CDK5RAP1: variants seen among roughly 807,000 people sequenced by gnomAD.
CDK5RAP1 encodes mitochondrial tRNA methylthiotransferase CDK5RAP1.
Under a neutral mutation model 64.5 loss-of-function variants are expected in CDK5RAP1, and 62 were observed. The ratio of observed to expected loss-of-function variants is 0.96; its 90% CI spans 0.78 to 1.19. The LOEUF is 1.19. Ranked by LOEUF, CDK5RAP1 falls within the 50% of genes most tolerant of loss-of-function variation. CDK5RAP1 has a pLI of 0.00. For missense variants in CDK5RAP1, 657 were observed against 735.0 expected (o/e 0.89, Z 1.23); for synonymous variants, 250 against 261.9 (o/e 0.95, Z 0.44).
rs1386715123 is a variant in CDK5RAP1 at position 33,398,564 on chromosome 20, T to G, written c.-20-1480A>C. ...AAAGGAAAGGGAAAGATCTAAATGT[T>G]ATCAATAAAGGACTAGTTAAGTAAG... On this transcript the variant is annotated intron_variant, in intron 1 of 13. Coordinates refer to ENST00000346416, the MANE Select transcript of CDK5RAP1 (RefSeq NM_016408.4). Among the ~76,000 whole-genome samples the G allele has an allele frequency of 2.0e-5, 3 of 152,084 alleles. No homozygotes were observed. The East Asian group carries it at 5.8e-4, about 29-fold the overall frequency.
intron 7 of CDK5RAP1, 131 bp from the exon 8 acceptor site, chr20:33,379,822 C>G (rs576750475): frequency 1.5e-6 from 1 of 659,090 alleles, no homozygotes; most frequent in African/African-American, 1.8e-5. Flanking sequence ...TACCAAGAGT[C>G]ACCTATAAGT....
chr20:33,384,170 A>G (rs1330583819), intron 7 of CDK5RAP1, among the ~76,000 whole-genome samples: 2 of 152,232 alleles, frequency 1.3e-5, no homozygotes, highest in Non-Finnish European at 2.9e-5. Flanking sequence ...TCTAAATGAA[A>G]GAAAAAAAAT....
At chr20:33,364,479 G>A (rs927678653) in intron 12 of CDK5RAP1, among the ~76,000 whole-genome samples, 2 of 152,024 alleles carry the variant, frequency 1.3e-5, no homozygotes, top group African/African-American at 2.4e-5. Context: ...GAGCCACCGC[G>A]CCTGGCCCGA....
In CDK5RAP1 at chr20:33,392,391, G is replaced by A. The variant is rs115082740; in HGVS notation, c.444-149C>T. On this transcript the variant is annotated intron_variant, in intron 4 of 13. Coordinates refer to ENST00000346416, the MANE Select transcript of CDK5RAP1 (RefSeq NM_016408.4). ...CAGCCCACGGGCCACATGCAGCCAG[G>A]ATGGCTTTGAATGCAGCCCAACACA... The A allele has an allele frequency of 3.3e-3, 1,429 of 431,858 alleles. 16 individuals are homozygous for A. The highest frequency in any genetic ancestry group is 0.026 in the African/African-American group (1,286 of 49,924). The allele number at this position is 431,858 out of a possible 1,614,324, so 26.8% of individuals were successfully genotyped here.
chr20:33,400,850 C>G (rs184788055), intron 1 of CDK5RAP1, among the ~76,000 whole-genome samples: 76 of 152,252 alleles, frequency 5.0e-4, no homozygotes, highest in Non-Finnish European at 1.0e-3. Flanking sequence ...GAGTCAGAAT[C>G]TGACCCCACT....
chr20:33,399,158 T>C (rs1989165910), intron 1 of CDK5RAP1, among the ~76,000 whole-genome samples: 1 of 151,928 alleles, frequency 6.6e-6, no homozygotes, highest in South Asian at 2.1e-4. Flanking sequence ...AGCCATACTA[T>C]TTACTTTTTT....
chr20:33,393,167 C>T lies in CDK5RAP1; in HGVS notation c.443+865G>A, dbSNP rs190383742. Among the ~76,000 whole-genome samples, 634 of 152,122 alleles carry T rather than the reference C, an allele frequency of 4.2e-3. 4 individuals are homozygous for T. The highest frequency in any genetic ancestry group is 5.5e-3 in the Non-Finnish European group (374 of 68,006). ...CGCTGGGATTACAGGTGTGAGCAACCGTGCCTGGCCAGCAATTTATCTTTT... is the reference window on the plus strand; with the variant it reads ...CGCTGGGATTACAGGTGTGAGCAACTGTGCCTGGCCAGCAATTTATCTTTT... On this transcript the variant is annotated intron_variant, in intron 4 of 13. Transcript: ENST00000346416.
intron 12 of CDK5RAP1, among the ~76,000 whole-genome samples, chr20:33,366,520 G>C (rs960171709): frequency 6.6e-6 from 1 of 152,108 alleles, no homozygotes; most frequent in African/African-American, 2.4e-5. Context: ...GCAGAGGCAA[G>C]AGAATCGCTT....
chr20:33,361,468 G>A (rs1982901171), intron 12 of CDK5RAP1, among the ~76,000 whole-genome samples: 1 of 152,168 alleles, frequency 6.6e-6, no homozygotes, highest in South Asian at 2.1e-4. Context: ...CCTGGGAACT[G>A]TCCACTGAAC....
At chr20:33,392,635 G>A (rs925342201) in intron 4 of CDK5RAP1, among the ~76,000 whole-genome samples, 2 of 151,958 alleles carry the variant, frequency 1.3e-5, no homozygotes, top group African/African-American at 4.8e-5. Context: ...AGGTAGGTAG[G>A]GGGCCACCTG....
At chr20:33,370,896 T>C (rs1984897280) in intron 10 of CDK5RAP1, among the ~76,000 whole-genome samples, 1 of 152,160 alleles carries the variant, frequency 6.6e-6, no homozygotes. Flanking sequence ...AGGGACACAG[T>C]AGGGAGTCCA....
chr20:33,397,217 CCT>C, intron 1 of CDK5RAP1, 133 bp from the exon 2 acceptor site: 1 of 605,596 alleles, frequency 1.7e-6, no homozygotes, highest in Non-Finnish European at 2.6e-6. Context: ...AATAATATGA[CCT>C]CTGTTTTACA....
chr20:33,368,998 G>T (rs1019950528), intron 11 of CDK5RAP1, among the ~76,000 whole-genome samples: 16 of 151,840 alleles, frequency 1.1e-4, no homozygotes, highest in Non-Finnish European at 1.5e-5. Flanking sequence ...AAATTAGCCA[G>T]GTGTGGTGGC....
chr20:33,382,636 G>A (rs770302062), intron 7 of CDK5RAP1, among the ~76,000 whole-genome samples: 12 of 152,094 alleles, frequency 7.9e-5, no homozygotes, highest in Admixed American at 4.6e-4. Context: ...AGCTGAGATC[G>A]TGCCATTGCA....
At chr20:33,366,821 C>A in intron 12 of CDK5RAP1, 38 bp downstream of exon 12, 1 of 1,561,018 alleles carries the variant, frequency 6.4e-7, no homozygotes, top group Non-Finnish European at 8.7e-7. Context: ...TGTTCTGAAA[C>A]ATAAAAAACA....
chr20:33,392,174 C>A lies in CDK5RAP1; in HGVS notation c.512G>T (p.Arg171Leu), dbSNP rs748087095. 2 of 1,613,202 alleles carry A rather than the reference C, an allele frequency of 1.2e-6. No individual in the cohort carries two copies. Among genetic ancestry groups the A allele is most frequent in the African/African-American group, 2.7e-5 (2 of 74,908 alleles). ...TCCAATCCTCAGAGGAACCCGGGAGCGGGGCCGCCTTGTCTTCAAGGCTTT... is the reference window on the plus strand; with the variant it reads ...TCCAATCCTCAGAGGAACCCGGGAGAGGGGCCGCCTTGTCTTCAAGGCTTT... ...QLKALKTRRP[R>L]SRVPLRIGIL... The change falls in exon 5 of 14, where the codon CGC becomes CTC. Residue 171 changes from arginine to leucine, a missense_variant. Transcript: ENST00000346416.
chr20:33,360,560 G>A (rs1982734957), intron 12 of CDK5RAP1, 69 bp from the exon 13 acceptor site: 1 of 1,416,104 alleles, frequency 7.1e-7, no homozygotes, highest in Admixed American at 2.1e-5. Flanking sequence ...TAGAAACTGT[G>A]CCTTCTCTGT....
rs145928528 is a variant in CDK5RAP1, at chr20:33,374,307, T to G, written c.1108-95A>C. 5.7e-4 allele frequency: 441 copies of G among 767,190 alleles called. 7 individuals are homozygous for G. In the East Asian group the frequency reaches 9.2e-3, roughly 16 times the overall value. 47.5% of individuals were successfully genotyped at this position (767,190 alleles called of 1,614,324 possible). On this transcript the variant is annotated intron_variant, in intron 8 of 13. Transcript: ENST00000346416. ...CTTACTATGTATCCTCCAAGGTCAA[T>G]TTTCACATAATTAAGAGGCTAATTA...
chr20:33,364,188 C>CTTTTTTTTTTTTT (rs11479107), intron 12 of CDK5RAP1, among the ~76,000 whole-genome samples: 1 of 135,508 alleles, frequency 7.4e-6, no homozygotes, highest in Non-Finnish European at 1.6e-5. Flanking sequence ...GAAGAAATAG[C>CTTTTTTTTTTTTT]TTTTTTTTTT....
Sources: allele counts gnomAD v4.1 joint callset (sites outside exome capture counted in the v4.1 genomes callset), GRCh38; gene constraint gnomAD v4.1.1; transcripts MANE v1.5; gene names NCBI Gene and HGNC (gene_info 2026-07-23, HGNC 2026-07-21).